Variants in SCGB2B2 observed in about 807,000 individuals in gnomAD.
SCGB2B2 encodes secretoglobin-like protein.
A neutral mutation model predicts 7.6 loss-of-function variants in SCGB2B2; 11 were observed. The ratio of observed to expected loss-of-function variants is 1.45; its 90% CI spans 0.91 to 2.40. SCGB2B2 has a LOEUF of 2.40. SCGB2B2 is among the 30% of genes most tolerant of loss of function. The pLI, the probability that SCGB2B2 is intolerant of heterozygous loss-of-function variation, is 0.00. For synonymous variants in SCGB2B2, 50 were observed against 48.6 expected (o/e 1.03, Z -0.12); for missense variants, 104 against 115.4 (o/e 0.90, Z 0.45).
At position 34,594,593 on chromosome 19, in the gene SCGB2B2, G is replaced by C; in HGVS notation, c.-30C>G. 1 of 1,606,100 alleles carries C rather than the reference G, an allele frequency of 6.2e-7. No individual in the cohort carries two copies. The highest frequency in any genetic ancestry group is 8.5e-7 in the Non-Finnish European group (1 of 1,174,424). ...GCGGAGTCTGGTCCCAGCAGGCACA[G>C]GCAGGGAATTTGGCGATGGGTGAGC... On this transcript the variant is annotated 5_prime_UTR_variant, in exon 2 of 4. Coordinates refer to ENST00000601241, the MANE Select transcript of SCGB2B2 (RefSeq NM_001025591.4).
At chr19:34,586,633 G>T (rs763487188), downstream of SCGB2B2, among the ~76,000 whole-genome samples, 9 of 152,180 alleles carry the variant, frequency 5.9e-5, no homozygotes, top group Non-Finnish European at 7.3e-5. Flanking sequence ...TACATACGGT[G>T]ATACTCACTA....
Position 34,599,219 on chromosome 19 carries a change from C to T in SCGB2B2, c.-2031-2625G>A, listed in dbSNP as rs1335264118. 2.0e-5 allele frequency among the ~76,000 whole-genome samples: 3 copies of T among 152,208 alleles called. No homozygotes were observed. In the East Asian group the frequency reaches 5.8e-4, roughly 29 times the overall value. On this transcript the variant is annotated intron_variant, in intron 1 of 3. Transcript: ENST00000601241. Reference sequence around the variant, plus strand: ...GAGCCTGCTGAGCAGGGAGTAGTCCCACAGCAGAGGGATCTATGGTGGAGG... The same window carrying T: ...GAGCCTGCTGAGCAGGGAGTAGTCCTACAGCAGAGGGATCTATGGTGGAGG...
intron 1 of SCGB2B2, among the ~76,000 whole-genome samples, chr19:34,639,822 C>T (rs1427315817): frequency 6.6e-6 from 1 of 152,090 alleles, no homozygotes; most frequent in Non-Finnish European, 1.5e-5. Context: ...CTGACAGTTC[C>T]CATAATACCT....
rs936302936 is a variant in SCGB2B2, at chr19:34,622,903, G to T, written c.-2031-26309C>A. On this transcript the variant is annotated intron_variant, in intron 1 of 3. Transcript: ENST00000601241. The stretch of plus-strand genomic sequence containing the variant: ...CTCTCAGCCTTTCCAAAAAGGCTGA[G>T]GGGTTTTCATCTAGGTTTTTTTTTT... Among the ~76,000 whole-genome samples, 3 of 130,000 alleles carry T rather than the reference G, an allele frequency of 2.3e-5. No homozygotes were observed. The Admixed American group carries it at 2.4e-4, about 10-fold the overall frequency. 85.3% of individuals were successfully genotyped at this position (130,000 alleles called of 152,430 possible).
At chr19:34,628,982 C>T (rs1031381984) in intron 1 of SCGB2B2, among the ~76,000 whole-genome samples, 5 of 151,976 alleles carry the variant, frequency 3.3e-5, no homozygotes, top group Non-Finnish European at 4.4e-5. Context: ...AATCAATAAA[C>T]GTAATCTATC....
At chr19:34,618,113 G>A (rs1568433002) in intron 1 of SCGB2B2, among the ~76,000 whole-genome samples, 1 of 152,194 alleles carries the variant, frequency 6.6e-6, no homozygotes, top group Non-Finnish European at 1.5e-5. Context: ...CACGCTGGGA[G>A]CTGTAGACCG....
chr19:34,657,726 C>T (rs961919962), intron 1 of SCGB2B2, among the ~76,000 whole-genome samples: 2 of 152,166 alleles, frequency 1.3e-5, no homozygotes, highest in African/African-American at 4.8e-5. Context: ...GACTTGAACT[C>T]AGCTCTGCAC....
chr19:34,593,734 C>A, intron 3 of SCGB2B2, 135 bp from the exon 4 acceptor site: 1 of 687,552 alleles, frequency 1.5e-6, no homozygotes, highest in South Asian at 1.7e-5. Flanking sequence ...AGGCTCTGGA[C>A]AAAGATGGTG....
chr19:34,594,242 A>C lies in SCGB2B2; in HGVS notation c.179T>G (p.Phe60Cys). 1 of 1,614,112 alleles carries C rather than the reference A, an allele frequency of 6.2e-7. No individual in the cohort carries two copies. The highest frequency in any genetic ancestry group is 8.5e-7 in the Non-Finnish European group (1 of 1,179,966). ...YNPSPLTEES[F>C]LNVQQCFANV... ...GGCAAAGCATTGCTGGACATTGAGG[A>C]AGGACTCCTCTGTCAGGGGACTGGG... Residue 60 changes from phenylalanine to cysteine, a missense_variant, in exon 3 of 4, where the codon TTC (phenylalanine) becomes TGC (cysteine). Coordinates refer to ENST00000601241, the MANE Select transcript of SCGB2B2 (RefSeq NM_001025591.4).
At chr19:34,606,717 A>C (rs2065790119) in intron 1 of SCGB2B2, among the ~76,000 whole-genome samples, 1 of 151,994 alleles carries the variant, frequency 6.6e-6, no homozygotes, top group Non-Finnish European at 1.5e-5. Flanking sequence ...CTTTTATTAC[A>C]GTATATTGGT....
At chr19:34,657,816 C>G (rs776335848) in intron 1 of SCGB2B2, among the ~76,000 whole-genome samples, 2 of 152,198 alleles carry the variant, frequency 1.3e-5, no homozygotes, top group African/African-American at 2.4e-5. Flanking sequence ...CCACATCGCA[C>G]TTATTCTAAA....
At chr19:34,596,755 A>G (rs2065468720) in intron 1 of SCGB2B2, among the ~76,000 whole-genome samples, 161 bp from the exon 2 acceptor site, 1 of 152,002 alleles carries the variant, frequency 6.6e-6, no homozygotes, top group Non-Finnish European at 1.5e-5. Context: ...TCCTGGGGAC[A>G]GAGGCTGGGA....
rs3055684 is a variant in SCGB2B2, at chr19:34,594,652, C to CGTGT, written c.-93_-90dup. On this transcript the variant is annotated 5_prime_UTR_variant, in exon 2 of 4. The change abolishes the stop of an existing upstream ORF in the 5' untranslated region. Transcript: ENST00000601241. ...TATCTGAACAAGGCACATGCCTCTT[C>CGTGT]GTGTGTGTGTGTGTGTGTGTGTGTG... is the stretch of plus-strand genomic sequence containing the variant. The CGTGT allele has an allele frequency of 0.02, 12,919 of 656,954 alleles. 86 individuals carry two copies. Among genetic ancestry groups the CGTGT allele is most frequent in the South Asian group, 0.022 (1,348 of 60,242 alleles). 40.7% of individuals were successfully genotyped at this position (656,954 alleles called of 1,614,324 possible). A position where few individuals can be genotyped will look rare whatever the true frequency, so the allele number is the denominator to read the frequency against.
intron 1 of SCGB2B2, among the ~76,000 whole-genome samples, chr19:34,653,590 G>T (rs951810377): frequency 6.6e-6 from 1 of 151,036 alleles, no homozygotes. Flanking sequence ...AGAAAACCAA[G>T]TTCAACACAC....
chr19:34,655,751 A>G (rs1053968260), intron 1 of SCGB2B2, among the ~76,000 whole-genome samples: 1 of 151,316 alleles, frequency 6.6e-6, no homozygotes, highest in Non-Finnish European at 1.5e-5. Context: ...AGGGAAACCA[A>G]TAAGAAAAGT....
At position 34,676,752 on chromosome 19, in the gene SCGB2B2, CTA is replaced by C. The variant is rs2067966669; in HGVS notation, c.-3156_-3155del. The C allele has an allele frequency of 6.6e-6, 1 of 152,168 alleles. No homozygotes were observed. The highest frequency in any genetic ancestry group is 6.5e-5 in the Admixed American group (1 of 15,288). The allele number at this position is 152,168 out of a possible 1,614,324, so 9.4% of individuals were successfully genotyped here. ...AAGTACAAAAAAGTCTATAGCGACA[CTA>C]TTTATAATTTTAAAAATGATTGAAG... On this transcript the variant is annotated 5_prime_UTR_variant, in exon 1 of 4. Coordinates refer to ENST00000601241, the MANE Select transcript of SCGB2B2 (RefSeq NM_001025591.4).
At chr19:34,649,896 T>A (rs1428197703) in intron 1 of SCGB2B2, among the ~76,000 whole-genome samples, 1 of 151,220 alleles carries the variant, frequency 6.6e-6, no homozygotes, top group African/African-American at 2.5e-5. Flanking sequence ...TCTTTTTGTC[T>A]CTGATCTCTG....
intron 1 of SCGB2B2, among the ~76,000 whole-genome samples, chr19:34,655,604 G>A (rs2067261481): frequency 6.6e-6 from 1 of 151,134 alleles, no homozygotes; most frequent in Non-Finnish European, 1.5e-5. Flanking sequence ...ACCACCTTGG[G>A]CACATGTCAT....
downstream of SCGB2B2, among the ~76,000 whole-genome samples, chr19:34,590,492 C>T (rs914530791): frequency 6.6e-5 from 10 of 152,190 alleles, no homozygotes; most frequent in Non-Finnish European, 1.2e-4. Context: ...ATCTATCCTT[C>T]CATTCTTTTA....
Sources: allele counts gnomAD v4.1 joint callset (sites outside exome capture counted in the v4.1 genomes callset), GRCh38; gene constraint gnomAD v4.1.1; transcripts MANE v1.5; gene names NCBI Gene and HGNC (gene_info 2026-07-23, HGNC 2026-07-21).